ACBD3: variants seen among roughly 807,000 people sequenced by gnomAD.
ACBD3 encodes acyl-CoA binding domain containing 3, also known as Golgi resident protein GCP60.
A neutral mutation model predicts 66.9 loss-of-function variants in ACBD3; 30 were observed. That is an observed-to-expected ratio of 0.45 (90% CI 0.34 to 0.61). The LOEUF is 0.61. ACBD3 is among the 20% of genes least tolerant of loss of function. ACBD3 has a pLI of 0.02. For missense variants in ACBD3, 544 were observed against 664.5 expected, an observed-to-expected ratio of 0.82 and a Z score of 1.99; for synonymous variants, 278 against 259.8, an observed-to-expected ratio of 1.07 and a Z score of -0.68.
chr1:226,161,653 T>C lies in ACBD3; in HGVS notation c.606A>G (p.Glu202=). 1 of 1,611,180 alleles carries C rather than the reference T, an allele frequency of 6.2e-7. No homozygotes were observed. The highest frequency in any genetic ancestry group is 1.1e-5 in the South Asian group (1 of 90,760). ...CCTCCTTTTGCAGACGTTCTCTTTCTTCCTCTTCACGCCGCCTTCGCTCCT... is the reference window on the plus strand; with the variant it reads ...CCTCCTTTTGCAGACGTTCTCTTTCCTCCTCTTCACGCCGCCTTCGCTCCT... ...EEEERRRREE[E]ERERLQKEEE... is the part of the protein sequence containing the mutation. Residue 202 remains glutamate, a synonymous_variant, in exon 4 of 8, where the codon GAA becomes GAG. Transcript: ENST00000366812.
chr1:226,182,970 ATCT>A (rs1656204596), intron 1 of ACBD3, among the ~76,000 whole-genome samples: 1 of 152,228 alleles, frequency 6.6e-6, no homozygotes, highest in Non-Finnish European at 1.5e-5. Context: ...CCACATCTTC[ATCT>A]ATTTTACTTT....
At chr1:226,170,913 G>A (rs370325847) in intron 1 of ACBD3, among the ~76,000 whole-genome samples, 4 of 152,050 alleles carry the variant, frequency 2.6e-5, no homozygotes, top group Admixed American at 6.6e-5. Context: ...CTGAGTAGCT[G>A]GAACTACTGG....
rs1656305794 is a variant in ACBD3 at position 226,186,337 on chromosome 1, C to T, written c.286+53G>A. 4.8e-6 allele frequency: 7 copies of T among 1,464,706 alleles called. No individual in the cohort carries two copies. The Admixed American group carries it at 1.7e-4, about 36-fold the overall frequency. 90.7% of individuals were successfully genotyped at this position (1,464,706 alleles called of 1,614,324 possible). A position where few individuals can be genotyped will look rare whatever the true frequency, so the allele number is the denominator to read the frequency against. The stretch of plus-strand genomic sequence containing the variant: ...GTCACCCTGGGGACCACAGCCCACG[C>T]CGGGCTCCCGGGGCCGGGCAGAAGC... On this transcript the variant is annotated intron_variant, in intron 1 of 7. Coordinates refer to ENST00000366812, the MANE Select transcript of ACBD3 (RefSeq NM_022735.4).
At chr1:226,162,485 A>G (rs531912984) in intron 3 of ACBD3, among the ~76,000 whole-genome samples, 140 of 152,146 alleles carry the variant, frequency 9.2e-4, no homozygotes, top group Non-Finnish European at 1.4e-3. Flanking sequence ...CTTTTAATTT[A>G]AAAAAGAACG....
chr1:226,155,983 A>G (rs1263346859), intron 5 of ACBD3, among the ~76,000 whole-genome samples: 5 of 152,232 alleles, frequency 3.3e-5, no homozygotes, highest in African/African-American at 7.2e-5. Context: ...ATGGACAGAT[A>G]CTACTTCAAA....
At chr1:226,173,295 TA>T (rs1558129973) in intron 1 of ACBD3, among the ~76,000 whole-genome samples, 1 of 152,190 alleles carries the variant, frequency 6.6e-6, no homozygotes, top group Non-Finnish European at 1.5e-5. Context: ...TTCAAAATGT[TA>T]ATACTAATAA....
chr1:226,186,440 C>A lies in ACBD3; in HGVS notation c.236G>T (p.Trp79Leu). The change falls in exon 1 of 8, where the codon TGG becomes TTG. Residue 79 changes from tryptophan to leucine, a missense_variant. Transcript: ENST00000366812. ...GTACAACTCCTCCAGGCCGAAACCC[C>A]AGCGCTGCTCCAGCCGCCGCGCCTC... is the stretch of plus-strand genomic sequence containing the variant. The part of the protein sequence containing the change: ...AEEARRLEQR[W>L]GFGLEELYGL... 1 of 1,514,140 alleles carries A rather than the reference C, an allele frequency of 6.6e-7. No homozygotes were observed. The highest frequency in any genetic ancestry group is 8.8e-7 in the Non-Finnish European group (1 of 1,133,712). 93.8% of individuals were successfully genotyped at this position (1,514,140 alleles called of 1,614,324 possible).
intron 7 of ACBD3, among the ~76,000 whole-genome samples, chr1:226,149,265 C>T (rs1477105485): frequency 8.0e-5 from 12 of 149,830 alleles, no homozygotes; most frequent in Non-Finnish European, 1.2e-4. Flanking sequence ...CTGGCTCTGT[C>T]GCCCAGGCTG....
At chr1:226,185,840 C>T (rs1466242708) in intron 1 of ACBD3, among the ~76,000 whole-genome samples, 6 of 152,092 alleles carry the variant, frequency 3.9e-5, no homozygotes, top group African/African-American at 1.4e-4. Flanking sequence ...ATGAGCTTAA[C>T]ACTTTACTTC....
At chr1:226,154,976 T>C in intron 5 of ACBD3, 143 bp from the exon 6 acceptor site, 1 of 516,888 alleles carries the variant, frequency 1.9e-6, no homozygotes, top group Non-Finnish European at 3.2e-6. Context: ...TATCAGTTTT[T>C]ATCCTGTCTA....
chr1:226,180,865 G>A (rs1266310743), intron 1 of ACBD3, among the ~76,000 whole-genome samples: 2 of 152,116 alleles, frequency 1.3e-5, no homozygotes, highest in African/African-American at 2.4e-5. Context: ...TGGGCGTAGT[G>A]GCATGTGCCT....
intron 3 of ACBD3, among the ~76,000 whole-genome samples, chr1:226,163,108 C>A (rs778948992): frequency 6.6e-6 from 1 of 152,124 alleles, no homozygotes; most frequent in South Asian, 2.1e-4. Flanking sequence ...TGAGCCACTG[C>A]ACCCGGCCAT....
chr1:226,165,539 A>G (rs1558127625), intron 2 of ACBD3, among the ~76,000 whole-genome samples: 2 of 151,878 alleles, frequency 1.3e-5, no homozygotes, highest in African/African-American at 4.8e-5. Context: ...TTTTGTCACA[A>G]TTTTTTTTAT....
intron 2 of ACBD3, 133 bp downstream of exon 2, chr1:226,165,723 TCCA>T: frequency 1.1e-6 from 1 of 949,014 alleles, no homozygotes; most frequent in Non-Finnish European, 1.5e-6. Context: ...ATCTGAAGAC[TCCA>T]GAAGCTGCAA....
intron 4 of ACBD3, 126 bp downstream of exon 4, chr1:226,161,405 G>T: frequency 7.5e-7 from 1 of 1,337,702 alleles, no homozygotes; most frequent in Non-Finnish European, 1.0e-6. Flanking sequence ...TGATCTGCCC[G>T]CCTCCGCCTC....
chr1:226,159,537 C>A (rs1031223417), intron 4 of ACBD3, among the ~76,000 whole-genome samples, 179 bp from the exon 5 acceptor site: 2 of 152,016 alleles, frequency 1.3e-5, no homozygotes. Flanking sequence ...ATAAGCCTGG[C>A]CTCTAATTTT....
At chr1:226,179,730 C>G (rs1656128403) in intron 1 of ACBD3, among the ~76,000 whole-genome samples, 1 of 151,912 alleles carries the variant, frequency 6.6e-6, no homozygotes, top group African/African-American at 2.4e-5. Context: ...TGGTGGTGCA[C>G]ACCTGTAATC....
At chr1:226,156,594 C>T (rs1321865894) in intron 5 of ACBD3, among the ~76,000 whole-genome samples, 1 of 152,122 alleles carries the variant, frequency 6.6e-6, no homozygotes, top group African/African-American at 2.4e-5. Flanking sequence ...TGGCATATCT[C>T]TACACACATT....
At chr1:226,180,441 A>G (rs538532477) in intron 1 of ACBD3, among the ~76,000 whole-genome samples, 2 of 152,314 alleles carry the variant, frequency 1.3e-5, no homozygotes, top group African/African-American at 4.8e-5. Flanking sequence ...TGAGTACAGG[A>G]AAGCACAAAA....
Sources: gnomAD v4.1 joint callset for allele counts (sites outside exome capture counted in the v4.1 genomes callset) on GRCh38, gnomAD v4.1.1 for gene constraint, MANE v1.5 for transcripts, NCBI Gene and HGNC (gene_info 2026-07-23, HGNC 2026-07-21) for gene names.